Variants in CFAP44 observed in about 807,000 individuals in gnomAD.
The protein encoded by CFAP44 is cilia- and flagella-associated protein 44.
In CFAP44, 134 loss-of-function variants were observed where a neutral mutation model predicts 216.2. The observed-to-expected ratio is 0.62, with a 90% CI of 0.54 to 0.72. The LOEUF is 0.72. Ranked by LOEUF, CFAP44 falls within the 30% of genes least tolerant of loss-of-function variation. The pLI is 0.00. For missense variants in CFAP44, 2,035 were observed against 2,182.1 expected (o/e 0.93, Z 1.34); for synonymous variants, 700 against 727.6 (o/e 0.96, Z 0.61).
At position 113,373,504 on chromosome 3, in the gene CFAP44, T is replaced by C; in HGVS notation, c.2351A>G (p.Glu784Gly). 6.2e-7 allele frequency: 1 copy of C among 1,607,428 alleles called. No individual in the cohort carries two copies. The highest frequency in any genetic ancestry group is 8.5e-7 in the Non-Finnish European group (1 of 1,176,418). The change falls in exon 18 of 35, where the codon GAA (glutamate) becomes GGA (glycine). Residue 784 changes from glutamate to glycine, a missense_variant. Glu to Gly is a moderately conservative substitution (Grantham distance 98). Coordinates refer to ENST00000393845, the MANE Select transcript of CFAP44 (RefSeq NM_001164496.2). ...LYHCEFPPCDESSDFKEQKDE... is the reference protein window; with the variant it reads ...LYHCEFPPCDGSSDFKEQKDE... ...TTTTTGTTCTTTGAAATCACTGCTT[T>C]CATCACAAGGGGGGAACTCACAGTG... is the stretch of plus-strand genomic sequence containing the variant.
At chr3:113,347,106 G>A (rs556618658) in intron 22 of CFAP44, among the ~76,000 whole-genome samples, 20 of 152,184 alleles carry the variant, frequency 1.3e-4, no homozygotes, top group Admixed American at 2.6e-4. Context: ...CTTAGAATTC[G>A]GGGGCTAAAT....
At chr3:113,394,821 C>T (rs1559934321) in intron 15 of CFAP44, among the ~76,000 whole-genome samples, 1 of 152,172 alleles carries the variant, frequency 6.6e-6, no homozygotes, top group African/African-American at 2.4e-5. Flanking sequence ...AGCCCACAGG[C>T]TATGGGATGG....
At chr3:113,438,370 G>T (rs1559951060) in intron 1 of CFAP44, among the ~76,000 whole-genome samples, 1 of 152,226 alleles carries the variant, frequency 6.6e-6, no homozygotes, top group Non-Finnish European at 1.5e-5. Context: ...GCTACAGTCA[G>T]TCTGACTAGG....
intron 2 of CFAP44, 130 bp from the exon 3 acceptor site, chr3:113,427,469 A>G: frequency 1.5e-6 from 1 of 657,626 alleles, no homozygotes; most frequent in Non-Finnish European, 2.5e-6. Flanking sequence ...AATTTCTAGA[A>G]GAATCATTTT....
intron 22 of CFAP44, among the ~76,000 whole-genome samples, chr3:113,353,666 G>A (rs182748665): frequency 1.4e-3 from 211 of 152,220 alleles, no homozygotes; most frequent in African/African-American, 4.7e-3. Flanking sequence ...CAACTATTCA[G>A]GGATTTAATA....
At chr3:113,386,749 G>A (rs926303797) in intron 15 of CFAP44, among the ~76,000 whole-genome samples, 1 of 152,198 alleles carries the variant, frequency 6.6e-6, no homozygotes, top group African/African-American at 2.4e-5. Flanking sequence ...AAAATCAGGT[G>A]AGTGATGACA....
chr3:113,336,216 AT>A lies in CFAP44; in HGVS notation c.3438-2634del, dbSNP rs199597930. 8.9e-3 allele frequency among the ~76,000 whole-genome samples: 1,356 copies of A among 152,240 alleles called. 17 individuals carry two copies. Among genetic ancestry groups the A allele is most frequent in the African/African-American group, 0.03 (1,266 of 41,584 alleles). ...AACTAGAAGGGAAGAAATTATAAAA[AT>A]AATAGTAAATCAATGACAGAGAAAG... is the stretch of plus-strand genomic sequence containing the variant. On this transcript the variant is annotated intron_variant, in intron 24 of 34. Transcript: ENST00000393845.
chr3:113,363,148 TC>T lies in CFAP44; in HGVS notation c.2930del (p.Arg977GlnfsTer6), dbSNP rs768633256. 6.3e-7 allele frequency: 1 copy of T among 1,588,472 alleles called. No individual in the cohort carries two copies. The highest frequency in any genetic ancestry group is 2.3e-5 in the East Asian group (1 of 44,224). On this transcript the variant is annotated frameshift_variant, in exon 21 of 35. Coordinates refer to ENST00000393845, the MANE Select transcript of CFAP44 (RefSeq NM_001164496.2). LOFTEE classifies it high-confidence loss of function. ...ATCAAGTTTATATTAGGCTTACTGT[TC>T]GTTTAAACTGCATATGCTTTGGTAA... is the stretch of plus-strand genomic sequence containing the variant. ...EKLPKHMQFK[R>X]TDFDVDSQIR... is the part of the protein sequence containing the mutation.
Position 113,373,524 on chromosome 3 carries a change from A to C in CFAP44, c.2331T>G (p.Cys777Trp). ...TGCTTTCATCACAAGGGGGGAACTC[A>C]CAGTGATATAGAAAACCAGAATCAT... ...GGYDSGFLYH[C>W]EFPPCDESSD... Residue 777 changes from cysteine (C) to tryptophan (W), a missense_variant, in exon 18 of 35, where the codon TGT becomes TGG. Cys to Trp is a radical substitution (Grantham distance 215). Coordinates refer to ENST00000393845, the MANE Select transcript of CFAP44 (RefSeq NM_001164496.2). The C allele has an allele frequency of 6.3e-7, 1 of 1,599,294 alleles. No homozygotes were observed. The highest frequency in any genetic ancestry group is 8.5e-7 in the Non-Finnish European group (1 of 1,172,220).
chr3:113,327,807 C>T lies in CFAP44; in HGVS notation c.4129G>A (p.Val1377Ile), dbSNP rs1427518994. 1.3e-6 allele frequency: 2 copies of T among 1,536,600 alleles called. No individual in the cohort carries two copies. The highest frequency in any genetic ancestry group is 2.4e-5 in the South Asian group (2 of 83,996). Reference sequence around the variant, plus strand: ...CGGAGTTCTGCATCGAAAGTGACAACCAGTTCTTTGATCTGAGATGGAAAA... The same window carrying T: ...CGGAGTTCTGCATCGAAAGTGACAATCAGTTCTTTGATCTGAGATGGAAAA... ...QYLVNRIKELVVTFDAELRLL... is the reference protein window; with the variant it reads ...QYLVNRIKELIVTFDAELRLL... Residue 1377 changes from valine to isoleucine, a missense_variant, in exon 27 of 35, where the codon GTT becomes ATT. Val to Ile is a conservative substitution (Grantham distance 29, BLOSUM62 3). This residue lies in a region of CFAP44 where 1,883 missense variants were observed against 2,023.7 expected (regional missense o/e 0.93). Coordinates refer to ENST00000393845, the MANE Select transcript of CFAP44 (RefSeq NM_001164496.2).
At position 113,401,138 on chromosome 3, in the gene CFAP44, ACC is replaced by A. The variant is rs1458732903; in HGVS notation, c.1374+100_1374+101del. On this transcript the variant is annotated intron_variant, in intron 11 of 34. Transcript: ENST00000393845. ...CATGTTAGGCAAGTTTTTTATGAGG[ACC>A]ATGATGAAATATGGAGAAAGATAAA... 6 of 1,101,752 alleles carry A rather than the reference ACC, an allele frequency of 5.4e-6. No individual in the cohort carries two copies. In the East Asian group the frequency reaches 1.6e-4, roughly 29 times the overall value. 68.2% of individuals were successfully genotyped at this position (1,101,752 alleles called of 1,614,324 possible). A position where few individuals can be genotyped will look rare whatever the true frequency, so the allele number is the denominator to read the frequency against.
At chr3:113,327,893 A>G (rs1053943297) in intron 26 of CFAP44, 74 bp from the exon 27 acceptor site, 6 of 1,335,220 alleles carry the variant, frequency 4.5e-6, no homozygotes, top group Admixed American at 2.4e-5. Context: ...TAACAGTACT[A>G]ATTTGTATGA....
In CFAP44 at chr3:113,287,344, C is replaced by T. The variant is rs999643396; in HGVS notation, c.*4213G>A. ...CCATGAGAACAGACCAAGATGTGTA[C>T]AGCACTATGAGCATTAAAAAACCTT... On this transcript the variant is annotated 3_prime_UTR_variant, in exon 35 of 35. Coordinates refer to ENST00000393845, the MANE Select transcript of CFAP44 (RefSeq NM_001164496.2). 2.4e-5 allele frequency: 5 copies of T among 212,322 alleles called. No individual in the cohort carries two copies. Among genetic ancestry groups the T allele is most frequent in the Admixed American group, 1.6e-4 (3 of 18,400 alleles). 13.2% of individuals were successfully genotyped at this position (212,322 alleles called of 1,614,324 possible).
chr3:113,394,050 A>G (rs1933923015), intron 15 of CFAP44, among the ~76,000 whole-genome samples: 1 of 152,236 alleles, frequency 6.6e-6, no homozygotes, highest in Non-Finnish European at 1.5e-5. Flanking sequence ...TTATTTTGAA[A>G]TAAGTATAGA....
chr3:113,425,854 C>A, intron 4 of CFAP44: 1 of 335,598 alleles, frequency 3.0e-6, no homozygotes, highest in East Asian at 5.0e-5. Context: ...TATGGGTTGG[C>A]ACACATTTTT....
chr3:113,371,537 C>T (rs1165921186), intron 18 of CFAP44, among the ~76,000 whole-genome samples: 1 of 152,164 alleles, frequency 6.6e-6, no homozygotes, highest in Non-Finnish European at 1.5e-5. Context: ...ATGTAGAAAG[C>T]TGAAACTGGA....
At chr3:113,349,887 C>T (rs1201436029) in intron 22 of CFAP44, among the ~76,000 whole-genome samples, 1 of 152,226 alleles carries the variant, frequency 6.6e-6, no homozygotes, top group East Asian at 1.9e-4. Flanking sequence ...CAGCCTGTAG[C>T]CAGGTATTTC....
intron 18 of CFAP44, among the ~76,000 whole-genome samples, chr3:113,367,243 G>A (rs1045090164): frequency 3.3e-5 from 5 of 152,222 alleles, no homozygotes; most frequent in Non-Finnish European, 4.4e-5. Flanking sequence ...CTCTGAAAAC[G>A]GACAGACTGC....
At chr3:113,403,639 C>T (rs1224071712) in intron 9 of CFAP44, among the ~76,000 whole-genome samples, 2 of 152,148 alleles carry the variant, frequency 1.3e-5, no homozygotes, top group African/African-American at 4.8e-5. Context: ...AAGAGGCCCT[C>T]TCAAAAAGTT....
Sources: allele counts gnomAD v4.1 joint callset (sites outside exome capture counted in the v4.1 genomes callset), GRCh38; gene constraint gnomAD v4.1.1; regional missense constraint gnomAD v4.1.1; transcripts MANE v1.5; gene names NCBI Gene and HGNC (gene_info 2026-07-23, HGNC 2026-07-21).